SGIP1: variants seen among roughly 807,000 people sequenced by gnomAD.
SGIP1 encodes SH3GL interacting endocytic adaptor 1.
Under a neutral mutation model 107.5 loss-of-function variants are expected in SGIP1, and 38 were observed. That is an observed-to-expected ratio of 0.35 (90% CI 0.27 to 0.46). The LOEUF (loss-of-function observed/expected upper bound fraction) is 0.46. SGIP1 is among the 20% of genes least tolerant of loss of function. The pLI is 1.00. For missense variants in SGIP1, 929 were observed against 1,019.5 expected (o/e 0.91, Z 1.21); for synonymous variants, 365 against 366.1 (o/e 1.00, Z 0.03).
At chr1:66,544,125 A>T (rs1304008756) in intron 1 of SGIP1, among the ~76,000 whole-genome samples, 2 of 152,046 alleles carry the variant, frequency 1.3e-5, no homozygotes, top group East Asian at 1.9e-4. Context: ...GGCCTTACAG[A>T]TTTCTTTCTC....
intron 1 of SGIP1, among the ~76,000 whole-genome samples, chr1:66,595,340 T>G (rs556341692): frequency 1.7e-4 from 26 of 152,300 alleles, no homozygotes; most frequent in African/African-American, 6.3e-4. Flanking sequence ...TTCTCATCAC[T>G]GACCTCCAGG....
chr1:66,672,356 T>A (rs975473801), intron 11 of SGIP1, among the ~76,000 whole-genome samples: 5 of 152,182 alleles, frequency 3.3e-5, no homozygotes, highest in African/African-American at 4.8e-5. Context: ...TTGGATACCA[T>A]CTCATGATAC....
intron 7 of SGIP1, among the ~76,000 whole-genome samples, chr1:66,645,089 G>A (rs2077435227): frequency 6.6e-6 from 1 of 152,160 alleles, no homozygotes; most frequent in South Asian, 2.1e-4. Flanking sequence ...CCAGTTTACA[G>A]CCATGTCTGT....
intron 1 of SGIP1, among the ~76,000 whole-genome samples, chr1:66,587,379 T>C (rs2062804371): frequency 6.6e-6 from 1 of 151,898 alleles, no homozygotes; most frequent in South Asian, 2.1e-4. Context: ...TTTTTCTCAG[T>C]CTATTTTCTC....
intron 1 of SGIP1, among the ~76,000 whole-genome samples, chr1:66,624,245 G>A (rs2072020098): frequency 6.6e-6 from 1 of 152,024 alleles, no homozygotes; most frequent in Admixed American, 6.6e-5. Context: ...AAAATAGTAG[G>A]GATAGACTGA....
intron 13 of SGIP1, among the ~76,000 whole-genome samples, chr1:66,679,222 C>A (rs536545664): frequency 5.3e-5 from 8 of 152,306 alleles, no homozygotes; most frequent in Admixed American, 4.6e-4. Context: ...GGATTAAAAA[C>A]CCCTCACAGG....
intron 1 of SGIP1, among the ~76,000 whole-genome samples, chr1:66,619,735 C>T (rs967176101): frequency 7.2e-5 from 11 of 152,312 alleles, no homozygotes; most frequent in African/African-American, 2.6e-4. Context: ...AGGCCAGCAG[C>T]GTCTTGTGTC....
At chr1:66,713,266 T>C (rs543853682) in intron 18 of SGIP1, among the ~76,000 whole-genome samples, 1 of 152,286 alleles carries the variant, frequency 6.6e-6, no homozygotes, top group East Asian at 1.9e-4. Flanking sequence ...TAATAATTAA[T>C]ATAAGTAAAG....
intron 2 of SGIP1, among the ~76,000 whole-genome samples, chr1:66,631,085 AAGAAAGAAAGAAAG>A (rs1221832322): frequency 1.4e-5 from 2 of 143,842 alleles, no homozygotes; most frequent in African/African-American, 5.0e-5. Context: ...GAAAGAAAGA[AAGAAAGAAAGAAAG>A]AAAAAAAGAA....
intron 1 of SGIP1, among the ~76,000 whole-genome samples, chr1:66,550,720 T>C (rs2148259016): frequency 6.6e-6 from 1 of 152,248 alleles, no homozygotes; most frequent in African/African-American, 2.4e-5. Flanking sequence ...TCACAACAAT[T>C]TCATAAGATT....
intron 19 of SGIP1, among the ~76,000 whole-genome samples, chr1:66,721,910 A>G (rs1443342285): frequency 6.6e-6 from 1 of 152,038 alleles, no homozygotes; most frequent in Non-Finnish European, 1.5e-5. Context: ...TCAACATATC[A>G]TGTCACTCTT....
chr1:66,639,267 A>G (rs1318212655), intron 4 of SGIP1, among the ~76,000 whole-genome samples: 1 of 152,224 alleles, frequency 6.6e-6, no homozygotes, highest in East Asian at 1.9e-4. Context: ...TTTAGAGCTG[A>G]CTTACTCTGT....
At chr1:66,548,412 G>A (rs779599204) in intron 1 of SGIP1, among the ~76,000 whole-genome samples, 1 of 152,088 alleles carries the variant, frequency 6.6e-6, no homozygotes, top group African/African-American at 2.4e-5. Flanking sequence ...TAGGCTCAAA[G>A]TGAAGGTTTA....
intron 1 of SGIP1, among the ~76,000 whole-genome samples, chr1:66,613,530 A>ATGTTG (rs1212371170): frequency 6.6e-6 from 1 of 152,114 alleles, no homozygotes; most frequent in Non-Finnish European, 1.5e-5. Context: ...GGGTTTTGCC[A>ATGTTG]TGTTGGCCAG....
intron 1 of SGIP1, among the ~76,000 whole-genome samples, chr1:66,606,351 C>G (rs557944272): frequency 1.3e-5 from 2 of 152,264 alleles, no homozygotes; most frequent in South Asian, 4.1e-4. Context: ...TCTGTTTCTT[C>G]CTTTATCATC....
At chr1:66,576,765 C>T (rs2061127007) in intron 1 of SGIP1, among the ~76,000 whole-genome samples, 2 of 152,192 alleles carry the variant, frequency 1.3e-5, no homozygotes, top group Non-Finnish European at 2.9e-5. Context: ...GTACTGGCCA[C>T]AAGCCAGACT....
chr1:66,573,476 C>T (rs1330524056), intron 1 of SGIP1, among the ~76,000 whole-genome samples: 2 of 152,038 alleles, frequency 1.3e-5, no homozygotes, highest in Non-Finnish European at 2.9e-5. Flanking sequence ...TATTGCAGCA[C>T]TATTCACAAT....
chr1:66,641,276 A>G (rs1044142175), intron 5 of SGIP1, among the ~76,000 whole-genome samples: 1 of 152,212 alleles, frequency 6.6e-6, no homozygotes. Flanking sequence ...TCATTTTGCT[A>G]TGTATATGCA....
intron 2 of SGIP1, chr1:66,628,661 A>C (rs1280315054): frequency 6.5e-6 from 1 of 153,142 alleles, no homozygotes; most frequent in African/African-American, 2.4e-5. Context: ...TCGAGAGAGA[A>C]AAGGTTGAAC....
Sources: allele counts gnomAD v4.1 joint callset (sites outside exome capture counted in the v4.1 genomes callset), GRCh38; gene constraint gnomAD v4.1.1; transcripts MANE v1.5; gene names NCBI Gene and HGNC (gene_info 2026-07-23, HGNC 2026-07-21).